The following MAP3K4 variants were observed in gnomAD, a reference collection of about 807,000 sequenced individuals.
MAP3K4 encodes mitogen-activated protein kinase kinase kinase 4.
MAP3K4 carries 67 observed loss-of-function variants against 185.6 expected under a neutral mutation model. That is an observed-to-expected ratio of 0.36 (90% CI 0.30 to 0.44). The LOEUF (loss-of-function observed/expected upper bound fraction) is 0.44, where lower values mean the gene tolerates loss of function less well. Among genes scored for constraint, MAP3K4 ranks in the 20% least tolerant of loss-of-function variants. The probability of loss-of-function intolerance (pLI) is 1.00; values close to 1 mark genes in which losing one functional copy is unlikely to be tolerated. For missense variants in MAP3K4, 1,551 were observed against 1,995.1 expected (o/e 0.78, Z 4.24); for synonymous variants, 702 against 710.4 (o/e 0.99, Z 0.19).
intron 18 of MAP3K4, 135 bp from the exon 19 acceptor site, chr6:161,102,564 A>C (rs915618414): frequency 1.7e-6 from 1 of 588,200 alleles, no homozygotes; most frequent in Non-Finnish European, 3.0e-6. Context: ...TCTCACACCT[A>C]CATCAAACAC....
intron 5 of MAP3K4, among the ~76,000 whole-genome samples, chr6:161,078,877 G>C (rs1260742024): frequency 6.6e-6 from 1 of 152,158 alleles, no homozygotes; most frequent in Admixed American, 6.5e-5. Context: ...AGGGTCTTTT[G>C]TTTTGCTTTC....
In MAP3K4 at chr6:161,098,412, G is replaced by A; in HGVS notation, c.3659G>A (p.Ser1220Asn). 6.2e-7 allele frequency: 1 copy of A among 1,613,742 alleles called. No homozygotes were observed. The highest frequency in any genetic ancestry group is 8.5e-7 in the Non-Finnish European group (1 of 1,179,904). Residue 1220 changes from serine to asparagine, a missense_variant, in exon 17 of 27, where the codon AGT becomes AAT. Ser to Asn is a conservative substitution (Grantham distance 46). Transcript: ENST00000392142. This position sits in a 1 kb window ranked among gnomAD's most constrained non-coding sequence, Gnocchi z 4.4. ...GDSVLPKSISSAHDTRGSSVP... is the reference protein window; with the variant it reads ...GDSVLPKSISNAHDTRGSSVP... Reference sequence around the variant, plus strand: ...TCTGTGCTGCCCAAATCCATCAGCAGTGCCCATGATACCAGGTAGTCTCAC... The same window carrying A: ...TCTGTGCTGCCCAAATCCATCAGCAATGCCCATGATACCAGGTAGTCTCAC...
intron 3 of MAP3K4, among the ~76,000 whole-genome samples, chr6:161,058,146 C>G (rs2114783876): frequency 6.6e-6 from 1 of 152,368 alleles, no homozygotes; most frequent in South Asian, 2.1e-4. Context: ...AGAGCTCTGG[C>G]TGTAAAGCCA....
At chr6:161,104,132 G>A (rs891734910) in intron 19 of MAP3K4, among the ~76,000 whole-genome samples, 1 of 152,158 alleles carries the variant, frequency 6.6e-6, no homozygotes, top group Non-Finnish European at 1.5e-5. Context: ...TAAAGACCAA[G>A]GGCTGGGCAC....
At position 161,048,518 on chromosome 6, in the gene MAP3K4, A is replaced by G; in HGVS notation, c.344-98A>G. 1.3e-6 allele frequency: 1 copy of G among 788,650 alleles called. No homozygotes were observed. Among genetic ancestry groups the G allele is most frequent in the Non-Finnish European group, 1.9e-6 (1 of 515,466 alleles). The allele number at this position is 788,650 out of a possible 1,614,324, so 48.9% of individuals were successfully genotyped here. On this transcript the variant is annotated intron_variant, in intron 2 of 26. Coordinates refer to ENST00000392142, the MANE Select transcript of MAP3K4 (RefSeq NM_005922.4). The surrounding 1 kb of genome is among the most constrained non-coding windows in gnomAD (Gnocchi z 4.7). ...TTTTTTCTTCCATTAGCAGTCTGAA[A>G]ATATAAATATGTGTGAATACCAGTT... is the stretch of plus-strand genomic sequence containing the variant.
Position 161,098,503 on chromosome 6 carries a change from T to G in MAP3K4, c.3674+76T>G. On this transcript the variant is annotated intron_variant, in intron 17 of 26. Coordinates refer to ENST00000392142, the MANE Select transcript of MAP3K4 (RefSeq NM_005922.4). The surrounding 1 kb of genome is among the most constrained non-coding windows in gnomAD (Gnocchi z 4.4). ...TTACACAGCAACCATAGTGTTAGGGTGTGTGCCGGCTGTGGTTGGGCTTCT... is the reference window on the plus strand; with the variant it reads ...TTACACAGCAACCATAGTGTTAGGGGGTGTGCCGGCTGTGGTTGGGCTTCT... 1 of 1,493,640 alleles carries G rather than the reference T, an allele frequency of 6.7e-7. No individual in the cohort carries two copies. Among genetic ancestry groups the G allele is most frequent in the African/African-American group, 1.4e-5 (1 of 71,560 alleles). The allele number at this position is 1,493,640 out of a possible 1,614,324, so 92.5% of individuals were successfully genotyped here.
In MAP3K4 at chr6:161,049,021, A is replaced by C; in HGVS notation, c.749A>C (p.Glu250Ala). The change falls in exon 3 of 27, where the codon GAA becomes GCA. Residue 250 changes from glutamate to alanine, a missense_variant. Coordinates refer to ENST00000392142, the MANE Select transcript of MAP3K4 (RefSeq NM_005922.4). The surrounding 1 kb of genome is among the most constrained non-coding windows in gnomAD (Gnocchi z 8.4). The part of the protein sequence containing the change: ...KKKDREQRGQ[E>A]NTSGFWLNRS... ...AAAGACAGGGAGCAAAGAGGACAAG[A>C]AAATACGTCTGGTTTCTGGCTTAAC... 6.2e-7 allele frequency: 1 copy of C among 1,614,126 alleles called. No individual in the cohort carries two copies. The highest frequency in any genetic ancestry group is 8.5e-7 in the Non-Finnish European group (1 of 1,179,994).
intron 1 of MAP3K4, among the ~76,000 whole-genome samples, chr6:161,005,139 C>CTTT (rs1178412146): frequency 7.1e-6 from 1 of 140,814 alleles, no homozygotes. Flanking sequence ...AGTATATAAA[C>CTTT]TTTTTTTTTT....
chr6:161,024,238 G>T (rs1025004490), intron 1 of MAP3K4, among the ~76,000 whole-genome samples: 2 of 152,010 alleles, frequency 1.3e-5, no homozygotes, highest in African/African-American at 4.8e-5. Context: ...TAGAGTGTTG[G>T]GATTATAGAT....
intron 11 of MAP3K4, among the ~76,000 whole-genome samples, chr6:161,090,908 C>T (rs2114866039): frequency 1.3e-5 from 2 of 152,350 alleles, no homozygotes; most frequent in South Asian, 4.1e-4. Flanking sequence ...AAAAACTTCT[C>T]TGGACAACGT....
chr6:161,021,854 A>G (rs991960409), intron 1 of MAP3K4, among the ~76,000 whole-genome samples: 4 of 152,174 alleles, frequency 2.6e-5, no homozygotes, highest in African/African-American at 7.2e-5. Flanking sequence ...TTGACACACA[A>G]TGTGGTATGA....
rs1172172760 is a variant in MAP3K4 at position 161,103,510 on chromosome 6, T to C, written c.3856+731T>C. The stretch of plus-strand genomic sequence containing the variant: ...CTGCAGCAAGCCAGGAGGCAAGGAA[T>C]AGAAGGAAGTGTGCACCCAGAGGCC... On this transcript the variant is annotated intron_variant, in intron 19 of 26. Coordinates refer to ENST00000392142, the MANE Select transcript of MAP3K4 (RefSeq NM_005922.4). The surrounding 1 kb of genome is among the most constrained non-coding windows in gnomAD (Gnocchi z 4.6). Among the ~76,000 whole-genome samples the C allele has an allele frequency of 1.3e-5, 2 of 152,008 alleles. No individual in the cohort carries two copies. Among genetic ancestry groups the C allele is most frequent in the Non-Finnish European group, 2.9e-5 (2 of 68,018 alleles).
intron 2 of MAP3K4, among the ~76,000 whole-genome samples, chr6:161,039,279 C>CAAAAAAA (rs3050259): frequency 8.3e-5 from 6 of 71,940 alleles, no homozygotes; most frequent in African/African-American, 9.7e-5. Context: ...CGCAAAAATG[C>CAAAAAAA]AAAAAAAAAA....
intron 1 of MAP3K4, among the ~76,000 whole-genome samples, chr6:161,000,479 A>G (rs1562471287): frequency 2.0e-5 from 3 of 152,222 alleles, no homozygotes; most frequent in Admixed American, 6.5e-5. Context: ...TTGTCTCTCA[A>G]GGTTGTTCTC....
chr6:161,079,531 C>T (rs1026674022), intron 5 of MAP3K4, among the ~76,000 whole-genome samples: 70 of 152,270 alleles, frequency 4.6e-4, no homozygotes, highest in African/African-American at 1.5e-3. Context: ...GAGCCGAGAT[C>T]GTGCCATTGC....
Position 161,049,570 on chromosome 6 carries a change from G to A in MAP3K4, c.1298G>A (p.Arg433Gln), listed in dbSNP as rs778101871. ...GWPVFEIPSP[R>Q]PSKGNEPEYE... ...CCAGTGTTTGAAATCCCTTCCCCTC[G>A]ACCATCCAAAGGTAATGAGCCGGAG... Residue 433 changes from arginine (R) to glutamine (Q), a missense_variant, in exon 3 of 27, where the codon CGA (arginine) becomes CAA (glutamine). By Grantham distance (43) the Arg-to-Gln change is conservative (BLOSUM62 1). This residue lies in a region of MAP3K4 where 24 missense variants were observed against 48.5 expected (regional missense o/e 0.49). Transcript: ENST00000392142. The surrounding 1 kb of genome is among the most constrained non-coding windows in gnomAD (Gnocchi z 8.4). 4.3e-6 allele frequency: 7 copies of A among 1,613,954 alleles called. No individual in the cohort carries two copies. Among genetic ancestry groups the A allele is most frequent in the African/African-American group, 2.7e-5 (2 of 74,886 alleles).
chr6:161,101,904 T>G lies in MAP3K4; in HGVS notation c.3687T>G (p.Val1229=). The change falls in exon 18 of 27, where the codon GTT becomes GTG. Residue 1229 remains valine (V), a synonymous_variant. Coordinates refer to ENST00000392142, the MANE Select transcript of MAP3K4 (RefSeq NM_005922.4). This position sits in a 1 kb window ranked among gnomAD's most constrained non-coding sequence, Gnocchi z 5.1. ...SSAHDTRGSS[V]PENDRLASIA... ...AATATTAAAACAGGGGTTCCAGCGT[T>G]CCTGAAAATGATCGATTGGCTTCCA... 6.2e-7 allele frequency: 1 copy of G among 1,613,924 alleles called. No homozygotes were observed. Among genetic ancestry groups the G allele is most frequent in the South Asian group, 1.1e-5 (1 of 91,046 alleles).
At chr6:161,039,132 G>T (rs545954870) in intron 2 of MAP3K4, among the ~76,000 whole-genome samples, 46 of 152,234 alleles carry the variant, frequency 3.0e-4, no homozygotes, top group Non-Finnish European at 6.3e-4. Flanking sequence ...TGTGGGAGGC[G>T]ACTGCTCAAG....
chr6:161,020,528 C>T (rs1043306993), intron 1 of MAP3K4, among the ~76,000 whole-genome samples: 18 of 151,798 alleles, frequency 1.2e-4, no homozygotes, highest in African/African-American at 3.4e-4. Context: ...CGTGGTAGTG[C>T]GCGCCTGTAG....
Sources: allele counts gnomAD v4.1 joint callset (sites outside exome capture counted in the v4.1 genomes callset), GRCh38; gene constraint gnomAD v4.1.1; regional missense constraint gnomAD v4.1.1; non-coding constraint Gnocchi (gnomAD v3.1); transcripts MANE v1.5; gene names NCBI Gene and HGNC (gene_info 2026-07-23, HGNC 2026-07-21).